The following PCNX1 variants were observed in gnomAD, a reference collection of about 807,000 sequenced individuals.
The protein encoded by PCNX1 is pecanex-like protein 1.
A neutral mutation model predicts 242.2 loss-of-function variants in PCNX1; 78 were observed. The observed-to-expected ratio is 0.32, with a 90% CI of 0.27 to 0.39. The LOEUF is 0.39. Ranked by LOEUF, PCNX1 falls within the 10% of genes least tolerant of loss-of-function variation. The pLI, the probability that PCNX1 is intolerant of heterozygous loss-of-function variation, is 1.00. For missense variants in PCNX1, 2,581 were observed against 2,856.5 expected, an observed-to-expected ratio of 0.90 and a Z score of 2.20; for synonymous variants, 1,024 against 1,032.9, an observed-to-expected ratio of 0.99 and a Z score of 0.17.
intron 18 of PCNX1, among the ~76,000 whole-genome samples, chr14:71,035,683 A>G (rs987524754): frequency 1.3e-5 from 2 of 149,996 alleles, no homozygotes; most frequent in East Asian, 2.0e-4. Context: ...AGATGGGCGT[A>G]TATCACTTGA....
intron 1 of PCNX1, among the ~76,000 whole-genome samples, chr14:70,915,353 G>C (rs2056110351): frequency 6.7e-6 from 1 of 149,798 alleles, no homozygotes; most frequent in Admixed American, 6.6e-5. Context: ...CAGCTGTTCT[G>C]ATTTATTTGT....
chr14:70,948,814 T>A (rs1303289581), intron 2 of PCNX1, among the ~76,000 whole-genome samples: 2 of 146,956 alleles, frequency 1.4e-5, no homozygotes, highest in African/African-American at 5.1e-5. Context: ...AAATCAGCAT[T>A]TATTTTTATT....
chr14:71,081,682 G>C (rs1175826074), intron 28 of PCNX1, among the ~76,000 whole-genome samples: 1 of 152,148 alleles, frequency 6.6e-6, no homozygotes, highest in East Asian at 1.9e-4. Flanking sequence ...TCTGATGGTA[G>C]TTTGTATTTC....
intron 11 of PCNX1, 106 bp from the exon 12 acceptor site, chr14:71,018,903 C>T: frequency 1.1e-6 from 1 of 927,258 alleles, no homozygotes; most frequent in South Asian, 1.9e-5. Context: ...AAAAAGACAT[C>T]TTGGCATACC....
At chr14:71,054,751 C>T (rs2061135230) in intron 24 of PCNX1, among the ~76,000 whole-genome samples, 1 of 152,104 alleles carries the variant, frequency 6.6e-6, no homozygotes, top group Non-Finnish European at 1.5e-5. Flanking sequence ...GTGCTTCATA[C>T]GTATTTTCTC....
chr14:71,048,996 TG>T, intron 22 of PCNX1: 1 of 922,138 alleles, frequency 1.1e-6, no homozygotes, highest in Non-Finnish European at 1.3e-6. Context: ...CTAGTGAGTA[TG>T]GTTATTAACC....
chr14:71,065,634 T>G (rs533353826), intron 26 of PCNX1, among the ~76,000 whole-genome samples: 1 of 152,356 alleles, frequency 6.6e-6, no homozygotes, highest in South Asian at 2.1e-4. Flanking sequence ...ATCCCATTTG[T>G]CTATTTTGGC....
chr14:70,964,959 A>G (rs2058333354), intron 3 of PCNX1, among the ~76,000 whole-genome samples: 1 of 152,172 alleles, frequency 6.6e-6, no homozygotes, highest in South Asian at 2.1e-4. Context: ...GGCTTTTTGC[A>G]TATTGCTGGA....
In PCNX1 at chr14:71,115,203, T is replaced by C. The variant is rs1046976725; in HGVS notation, c.*5268T>C. The C allele has an allele frequency of 2.0e-5, 3 of 152,590 alleles. No homozygotes were observed. The highest frequency in any genetic ancestry group is 4.4e-5 in the Non-Finnish European group (3 of 68,032). 9.5% of individuals were successfully genotyped at this position (152,590 alleles called of 1,614,324 possible). A position where few individuals can be genotyped will look rare whatever the true frequency, so the allele number is the denominator to read the frequency against. ...AGTATAAACCAGAGATAAGGACATATGTACTTACGTGTGTCTGTGAGTGTG... is the reference window on the plus strand; with the variant it reads ...AGTATAAACCAGAGATAAGGACATACGTACTTACGTGTGTCTGTGAGTGTG... On this transcript the variant is annotated 3_prime_UTR_variant, in exon 36 of 36. Transcript: ENST00000304743.
At chr14:71,007,491 A>G (rs1826455908) in intron 8 of PCNX1, among the ~76,000 whole-genome samples, 1 of 152,174 alleles carries the variant, frequency 6.6e-6, no homozygotes, top group South Asian at 2.1e-4. Context: ...ACTTATTTCT[A>G]AAATATGTAT....
chr14:71,055,072 T>G (rs1485530154), intron 24 of PCNX1, among the ~76,000 whole-genome samples: 1 of 152,216 alleles, frequency 6.6e-6, no homozygotes, highest in Non-Finnish European at 1.5e-5. Context: ...TGAAAGAGCC[T>G]TAGGTTCTGT....
chr14:70,954,318 ATGACTCT>A (rs1248087334), intron 2 of PCNX1, among the ~76,000 whole-genome samples: 1 of 152,122 alleles, frequency 6.6e-6, no homozygotes, highest in African/African-American at 2.4e-5. Context: ...GCTTTAAAAC[ATGACTCT>A]TGATAGCCAG....
intron 8 of PCNX1, among the ~76,000 whole-genome samples, chr14:71,004,736 A>C (rs371481813): frequency 2.3e-4 from 35 of 152,330 alleles, no homozygotes; most frequent in African/African-American, 8.4e-4. Context: ...GTGCTATCCA[A>C]GAAATTAGAA....
At chr14:70,958,580 A>G (rs1012799254) in intron 2 of PCNX1, among the ~76,000 whole-genome samples, 1 of 152,100 alleles carries the variant, frequency 6.6e-6, no homozygotes, top group South Asian at 2.1e-4. Context: ...GTTCTTTTCT[A>G]TTATTTTGGC....
intron 19 of PCNX1, among the ~76,000 whole-genome samples, chr14:71,039,946 C>T (rs1319754291): frequency 6.6e-6 from 1 of 152,070 alleles, no homozygotes; most frequent in East Asian, 1.9e-4. Context: ...CATTTGGTGT[C>T]ATTTTTCCTC....
intron 1 of PCNX1, among the ~76,000 whole-genome samples, chr14:70,919,472 C>G (rs1566566425): frequency 1.3e-5 from 2 of 152,110 alleles, no homozygotes; most frequent in South Asian, 2.1e-4. Flanking sequence ...CTTAGGAAAG[C>G]TGGAGGGGCT....
At position 70,978,338 on chromosome 14, in the gene PCNX1, A is replaced by G. The variant is rs1055196406; in HGVS notation, c.2001A>G (p.Glu667=). Residue 667 remains glutamate, a synonymous_variant, in exon 6 of 36, where the codon GAA becomes GAG. Coordinates refer to ENST00000304743, the MANE Select transcript of PCNX1 (RefSeq NM_014982.3). The part of the protein sequence containing the change: ...EHTHKAHLVP[E]GTSKKRATRR... ...CACACAAAGCTCATTTGGTTCCTGA[A>G]GGAACCAGCAAAAAGCGTGCAACAC... 6.8e-6 allele frequency: 11 copies of G among 1,614,220 alleles called. No homozygotes were observed. Among genetic ancestry groups the G allele is most frequent in the African/African-American group, 1.3e-5 (1 of 75,076 alleles).
At chr14:70,938,196 C>A (rs1164407052) in intron 1 of PCNX1, among the ~76,000 whole-genome samples, 7 of 152,140 alleles carry the variant, frequency 4.6e-5, no homozygotes, top group African/African-American at 1.7e-4. Context: ...AGAGGGCATA[C>A]CTGTCTTGTG....
At chr14:70,936,497 A>C (rs576631031) in intron 1 of PCNX1, among the ~76,000 whole-genome samples, 1 of 152,168 alleles carries the variant, frequency 6.6e-6, no homozygotes, top group East Asian at 1.9e-4. Context: ...TCCATGGTGT[A>C]TATGTGCCAC....
Sources: gnomAD v4.1 joint callset for allele counts (sites outside exome capture counted in the v4.1 genomes callset) on GRCh38, gnomAD v4.1.1 for gene constraint, MANE v1.5 for transcripts, NCBI Gene and HGNC (gene_info 2026-07-23, HGNC 2026-07-21) for gene names.